XNDC1N: variants seen among roughly 807,000 people sequenced by gnomAD.
XNDC1N encodes protein XNDC1N.
the XNDC1N span, among the ~76,000 whole-genome samples, chr11:71,913,654 G>A: frequency 3.1e-4 from 39 of 124,242 alleles, no homozygotes; most frequent in Middle Eastern, 4.7e-3. Context: ...GCAAGACTCC[G>A]TCTCAAAAGA....
the XNDC1N span, among the ~76,000 whole-genome samples, chr11:71,884,810 G>GT: frequency 1.3e-5 from 2 of 152,178 alleles, no homozygotes; most frequent in Non-Finnish European, 2.9e-5. Flanking sequence ...GATGCGGGGA[G>GT]TAAGAGCCAG....
chr11:71,884,629 T>A, the XNDC1N span: 4 of 1,525,078 alleles, frequency 2.6e-6, no homozygotes, highest in African/African-American at 4.1e-5. Flanking sequence ...TATCTATGAA[T>A]AATTAACATG....
At chr11:71,886,126 G>A in the XNDC1N span, among the ~76,000 whole-genome samples, 4 of 152,076 alleles carry the variant, frequency 2.6e-5, no homozygotes, top group African/African-American at 9.7e-5. Context: ...GGATGGTCAC[G>A]TGGTGGAGAG....
chr11:71,897,435 T>C, the XNDC1N span, among the ~76,000 whole-genome samples: 1 of 152,130 alleles, frequency 6.6e-6, no homozygotes. Context: ...AGTAGACGTG[T>C]CCCTAAAGAA....
the XNDC1N span, chr11:71,884,390 G>C: frequency 3.8e-6 from 6 of 1,562,904 alleles, no homozygotes; most frequent in Non-Finnish European, 4.3e-6. Flanking sequence ...CATATAATTT[G>C]TCTTCTCTTT....
At chr11:71,914,175 G>A in the XNDC1N span, among the ~76,000 whole-genome samples, 5 of 151,930 alleles carry the variant, frequency 3.3e-5, no homozygotes, top group African/African-American at 4.8e-5. Flanking sequence ...GGCTATATTT[G>A]CCATATAGAT....
chr11:71,866,183 A>G, the XNDC1N span, among the ~76,000 whole-genome samples: 1 of 150,528 alleles, frequency 6.6e-6, no homozygotes, highest in African/African-American at 2.4e-5. Flanking sequence ...GTTGTTATAA[A>G]TACCTGACCA....
the XNDC1N span, among the ~76,000 whole-genome samples, chr11:71,896,901 T>C: frequency 6.6e-6 from 1 of 152,234 alleles, no homozygotes; most frequent in Non-Finnish European, 1.5e-5. Flanking sequence ...TGTTGTTTGT[T>C]TGTTTTGGAG....
At chr11:71,879,657 C>T in the XNDC1N span, among the ~76,000 whole-genome samples, 1 of 151,872 alleles carries the variant, frequency 6.6e-6, no homozygotes, top group Non-Finnish European at 1.5e-5. Flanking sequence ...TTAAAGTGTT[C>T]TATTCAGTGG....
the XNDC1N span, among the ~76,000 whole-genome samples, chr11:71,898,563 C>A: frequency 0.028 from 4,269 of 151,836 alleles, 71 homozygotes; most frequent in East Asian, 0.081. Flanking sequence ...GGCGACATCA[C>A]GCCACTGCAC....
chr11:71,884,434 G>A, the XNDC1N span: 1 of 1,600,438 alleles, frequency 6.2e-7, no homozygotes, highest in Non-Finnish European at 8.5e-7. Context: ...AATGATGAAT[G>A]TCCTTCAGAA....
At chr11:71,910,508 G>A in the XNDC1N span, among the ~76,000 whole-genome samples, 44 of 152,128 alleles carry the variant, frequency 2.9e-4, no homozygotes, top group Non-Finnish European at 3.2e-4. Flanking sequence ...AGTTTCCCAG[G>A]AGAGACCTAG....
chr11:71,910,726 G>C, the XNDC1N span, among the ~76,000 whole-genome samples: 1 of 152,192 alleles, frequency 6.6e-6, no homozygotes, highest in Non-Finnish European at 1.5e-5. Flanking sequence ...GGGTCAGAAC[G>C]AAAGCAGGTC....
At chr11:71,868,748 C>T in the XNDC1N span, among the ~76,000 whole-genome samples, 371 of 152,220 alleles carry the variant, frequency 2.4e-3, no homozygotes, top group Middle Eastern at 0.01. Context: ...AATCTGATGA[C>T]ATATGTCTAG....
the XNDC1N span, among the ~76,000 whole-genome samples, chr11:71,885,182 A>C: frequency 0.069 from 10,432 of 151,060 alleles, 555 homozygotes; most frequent in African/African-American, 0.15. Context: ...AACAGTATCA[A>C]AGGGGTGTTT....
chr11:71,913,394 G>C, the XNDC1N span, among the ~76,000 whole-genome samples: 3 of 151,952 alleles, frequency 2.0e-5, no homozygotes, highest in Non-Finnish European at 4.4e-5. Flanking sequence ...GTCACGGGGG[G>C]TGACCTTGTA....
the XNDC1N span, chr11:71,903,765 A>G: frequency 2.8e-6 from 1 of 360,282 alleles, no homozygotes; most frequent in South Asian, 2.2e-5. Context: ...ACCTTCTGTG[A>G]CACCTTCACC....
the XNDC1N span, among the ~76,000 whole-genome samples, chr11:71,885,229 C>T: frequency 6.6e-6 from 1 of 151,978 alleles, no homozygotes; most frequent in Non-Finnish European, 1.5e-5. Context: ...ATCCTCCTCT[C>T]CCAAGTTGCA....
the XNDC1N span, among the ~76,000 whole-genome samples, chr11:71,890,018 T>G: frequency 4.6e-5 from 7 of 152,132 alleles, no homozygotes; most frequent in African/African-American, 1.7e-4. Flanking sequence ...GTATTGGGGA[T>G]CACACGGAAA....
Sources: allele counts gnomAD v4.1 joint callset (sites outside exome capture counted in the v4.1 genomes callset), GRCh38; gene constraint gnomAD v4.1.1; transcripts MANE v1.5; gene names NCBI Gene and HGNC (gene_info 2026-07-23, HGNC 2026-07-21).